Variants in PLAAT1 observed in about 807,000 individuals in gnomAD.
PLAAT1 encodes the protein phospholipase A and acyltransferase 1.
PLAAT1 carries 13 observed loss-of-function variants against 16.4 expected under a neutral mutation model. That is an observed-to-expected ratio of 0.79 (90% CI 0.52 to 1.26). The LOEUF is 1.26. Among genes scored for constraint, PLAAT1 ranks in the 50% most tolerant of loss-of-function variants. The pLI is 0.00. For missense variants in PLAAT1, 218 were observed against 207.8 expected (o/e 1.05, Z -0.30); for synonymous variants, 73 against 78.4 (o/e 0.93, Z 0.36).
chr3:193,275,168 ATC>A, downstream of PLAAT1: 1 of 1,614,164 alleles, frequency 6.2e-7, no homozygotes, highest in Non-Finnish European at 8.5e-7. Context: ...CACCTGAATA[ATC>A]TGTCCTGTTT....
intron 3 of PLAAT1, among the ~76,000 whole-genome samples, chr3:193,264,822 G>A (rs770063989): frequency 5.3e-5 from 8 of 152,080 alleles, no homozygotes; most frequent in Non-Finnish European, 1.0e-4. Context: ...CTATTTGCCC[G>A]TTTTTAAATT....
chr3:193,264,707 C>T (rs1050501657), intron 3 of PLAAT1, among the ~76,000 whole-genome samples: 3 of 152,052 alleles, frequency 2.0e-5, no homozygotes, highest in African/African-American at 7.2e-5. Context: ...GTTGGCTAGG[C>T]TGGTCTCATG....
chr3:193,265,731 G>A (rs1029978740), intron 3 of PLAAT1, among the ~76,000 whole-genome samples: 5 of 151,158 alleles, frequency 3.3e-5, no homozygotes, highest in Non-Finnish European at 7.4e-5. Context: ...GAAATAATTG[G>A]AAATTCATTC....
intron 3 of PLAAT1, among the ~76,000 whole-genome samples, chr3:193,268,698 A>G (rs1273492018): frequency 1.3e-5 from 2 of 152,206 alleles, no homozygotes; most frequent in African/African-American, 4.8e-5. Flanking sequence ...GCTGTCTTAA[A>G]GTGGCACTGC....
downstream of PLAAT1, chr3:193,274,788 A>G (rs1216755189): frequency 7.4e-6 from 4 of 540,386 alleles, no homozygotes; most frequent in South Asian, 5.3e-5. Context: ...AAACAAAATA[A>G]TGCTATGCAA....
chr3:193,254,935 A>G (rs1334552818), intron 1 of PLAAT1, among the ~76,000 whole-genome samples: 1 of 152,250 alleles, frequency 6.6e-6, no homozygotes, highest in Admixed American at 6.5e-5. Context: ...TAATTTGAAC[A>G]TCTGGCTGGA....
chr3:193,259,015 C>A (rs1282794105), intron 2 of PLAAT1, among the ~76,000 whole-genome samples: 11 of 152,136 alleles, frequency 7.2e-5, no homozygotes, highest in Admixed American at 7.2e-4. Context: ...AAAAGACCAA[C>A]AAACCAAATT....
intron 3 of PLAAT1, 61 bp from the exon 4 acceptor site, chr3:193,270,543 T>G (rs1442994202): frequency 6.6e-7 from 1 of 1,511,934 alleles, no homozygotes; most frequent in African/African-American, 1.4e-5. Context: ...AAAGCTTCAT[T>G]TAGGACACAG....
At chr3:193,268,352 C>G (rs1428799985) in intron 3 of PLAAT1, among the ~76,000 whole-genome samples, 1 of 152,146 alleles carries the variant, frequency 6.6e-6, no homozygotes, top group African/African-American at 2.4e-5. Flanking sequence ...ACGTCTGTGT[C>G]CCCGCTATAC....
At chr3:193,279,496 G>T, downstream of PLAAT1, 1 of 1,537,602 alleles carries the variant, frequency 6.5e-7, no homozygotes, top group Non-Finnish European at 9.0e-7. Flanking sequence ...TTAAAAGAAT[G>T]TTTCATATAA....
At position 193,241,262 on chromosome 3, in the gene PLAAT1, G is replaced by A. The variant is rs1317962918; in HGVS notation, c.-272G>A. 1.3e-5 allele frequency: 16 copies of A among 1,228,586 alleles called. No homozygotes were observed. The highest frequency in any genetic ancestry group is 1.6e-5 in the Non-Finnish European group (16 of 986,000). 76.1% of individuals were successfully genotyped at this position (1,228,586 alleles called of 1,614,324 possible). ...CGGCTCGGCAGCGCCCGGACGCCGA[G>A]CCCAGCGCGTCGGCCCCCCGGCGTG... On this transcript the variant is annotated 5_prime_UTR_variant, in exon 1 of 4. Transcript: ENST00000264735.
chr3:193,259,618 C>A (rs1309052180), intron 2 of PLAAT1, among the ~76,000 whole-genome samples: 1 of 152,056 alleles, frequency 6.6e-6, no homozygotes, highest in Non-Finnish European at 1.5e-5. Context: ...AAACACAATT[C>A]ATTTACAATA....
intron 2 of PLAAT1, among the ~76,000 whole-genome samples, chr3:193,260,832 A>C (rs1239044261): frequency 6.6e-6 from 1 of 152,236 alleles, no homozygotes; most frequent in African/African-American, 2.4e-5. Flanking sequence ...TTGATCCAGC[A>C]ATCCTATTAC....
At chr3:193,270,155 A>G (rs189829865) in intron 3 of PLAAT1, among the ~76,000 whole-genome samples, 2 of 152,038 alleles carry the variant, frequency 1.3e-5, no homozygotes, top group Admixed American at 6.5e-5. Context: ...CAAAGTGTTT[A>G]TTTAAGGGGC....
At chr3:193,247,664 A>G (rs1716030610) in intron 1 of PLAAT1, among the ~76,000 whole-genome samples, 2 of 151,962 alleles carry the variant, frequency 1.3e-5, no homozygotes, top group Admixed American at 6.6e-5. Context: ...ATATTTTTAA[A>G]TTTTCCTTTT....
intron 3 of PLAAT1, among the ~76,000 whole-genome samples, chr3:193,264,386 A>T (rs189188872): frequency 6.5e-4 from 99 of 152,286 alleles, no homozygotes; most frequent in Non-Finnish European, 1.2e-3. Flanking sequence ...CATTTTCCTG[A>T]TGGCTAATGA....
downstream of PLAAT1, chr3:193,279,568 G>A: frequency 1.4e-6 from 1 of 738,070 alleles, no homozygotes; most frequent in South Asian, 1.7e-5. Flanking sequence ...ATCTTCAGAT[G>A]TTTTGATATA....
At chr3:193,252,471 T>C (rs564729938) in intron 1 of PLAAT1, among the ~76,000 whole-genome samples, 2 of 152,224 alleles carry the variant, frequency 1.3e-5, no homozygotes, top group Non-Finnish European at 1.5e-5. Flanking sequence ...TTCACAGATA[T>C]GTGGTTTGCA....
chr3:193,281,116 T>C, downstream of PLAAT1: 2 of 895,148 alleles, frequency 2.2e-6, no homozygotes, highest in East Asian at 1.2e-4. Context: ...ATTGCATCTC[T>C]CAGGATAAAG....
Sources: gnomAD v4.1 joint callset for allele counts (sites outside exome capture counted in the v4.1 genomes callset) on GRCh38, gnomAD v4.1.1 for gene constraint, MANE v1.5 for transcripts, NCBI Gene and HGNC (gene_info 2026-07-23, HGNC 2026-07-21) for gene names.